Variants in MAF observed in about 807,000 individuals in gnomAD.
MAF encodes the protein MAF bZIP transcription factor.
Under a neutral mutation model 22.0 loss-of-function variants are expected in MAF, and 10 were observed. That is an observed-to-expected ratio of 0.45 (90% confidence interval 0.28 to 0.77). The LOEUF is 0.77. MAF is among the 30% of genes least tolerant of loss of function. The pLI is 0.12. For missense variants in MAF, 544 were observed against 548.4 expected, an observed-to-expected ratio of 0.99 and a Z score of 0.08; for synonymous variants, 337 against 255.8, an observed-to-expected ratio of 1.32 and a Z score of -3.03.
the MAF span, among the ~76,000 whole-genome samples, chr16:79,362,825 T>C: frequency 6.6e-6 from 1 of 152,258 alleles, no homozygotes; most frequent in South Asian, 2.1e-4. Flanking sequence ...TCAAAGCAAG[T>C]GCTTTGCTCT....
chr16:79,212,963 A>C, the MAF span: 3 of 152,216 alleles, frequency 2.0e-5, no homozygotes, highest in Non-Finnish European at 4.4e-5. Flanking sequence ...ATGTTTTGTT[A>C]TTACTTACTT....
chr16:79,535,057 C>G, the MAF span, among the ~76,000 whole-genome samples: 22 of 152,246 alleles, frequency 1.4e-4, no homozygotes, highest in East Asian at 7.7e-4. Flanking sequence ...TTGGTGAAAC[C>G]TTCATTGACT....
At chr16:79,300,518 G>A in the MAF span, among the ~76,000 whole-genome samples, 2 of 152,046 alleles carry the variant, frequency 1.3e-5, no homozygotes, top group Admixed American at 1.3e-4. Flanking sequence ...TCCGGCCACT[G>A]CACTCCAGCC....
At chr16:79,421,550 G>C in the MAF span, among the ~76,000 whole-genome samples, 2 of 152,138 alleles carry the variant, frequency 1.3e-5, no homozygotes, top group African/African-American at 4.8e-5. Flanking sequence ...TTACAGATCG[G>C]AAGACAGAAA....
At chr16:79,452,784 C>G in the MAF span, among the ~76,000 whole-genome samples, 1 of 152,148 alleles carries the variant, frequency 6.6e-6, no homozygotes. Flanking sequence ...ACCCTCCCTG[C>G]TCACACCTCC....
At chr16:79,558,219 G>A in the MAF span, among the ~76,000 whole-genome samples, 1 of 152,038 alleles carries the variant, frequency 6.6e-6, no homozygotes, top group African/African-American at 2.4e-5. Context: ...GAGTGTGAAA[G>A]AGAAATGTGT....
At chr16:79,525,391 G>C in the MAF span, among the ~76,000 whole-genome samples, 3 of 152,108 alleles carry the variant, frequency 2.0e-5, no homozygotes, top group African/African-American at 4.8e-5. Flanking sequence ...CGCTCGGAGG[G>C]GACAGAGTGG....
At chr16:79,338,039 A>G in the MAF span, among the ~76,000 whole-genome samples, 1 of 152,192 alleles carries the variant, frequency 6.6e-6, no homozygotes, top group Non-Finnish European at 1.5e-5. Flanking sequence ...AAATAGGACG[A>G]GTCCCTGTCT....
chr16:79,525,742 C>T, the MAF span, among the ~76,000 whole-genome samples: 198 of 152,210 alleles, frequency 1.3e-3, 1 homozygote, highest in African/African-American at 4.4e-3. Flanking sequence ...ATTATATCTA[C>T]AAATGGCATT....
At chr16:79,455,919 G>C in the MAF span, among the ~76,000 whole-genome samples, 1 of 152,176 alleles carries the variant, frequency 6.6e-6, no homozygotes, top group Non-Finnish European at 1.5e-5. Flanking sequence ...TTGGGAGACT[G>C]AGACGGGAGA....
chr16:79,526,958 T>C, the MAF span, among the ~76,000 whole-genome samples: 258 of 152,336 alleles, frequency 1.7e-3, 2 homozygotes, highest in African/African-American at 5.8e-3. Flanking sequence ...TGTAAAGTTA[T>C]ATAATTTAAT....
the MAF span, among the ~76,000 whole-genome samples, chr16:79,222,482 T>C: frequency 2.0e-5 from 3 of 152,028 alleles, no homozygotes; most frequent in Non-Finnish European, 4.4e-5. Context: ...AATTCACACA[T>C]AACAACCCTA....
At chr16:79,556,470 G>C in the MAF span, among the ~76,000 whole-genome samples, 10 of 152,284 alleles carry the variant, frequency 6.6e-5, no homozygotes, top group African/African-American at 2.4e-4. Flanking sequence ...ATTGTTGCCT[G>C]AACCCACAAT....
At chr16:79,212,046 A>G in the MAF span, 1 of 1,536,284 alleles carries the variant, frequency 6.5e-7, no homozygotes, top group Non-Finnish European at 8.7e-7. Flanking sequence ...GCCTGTTTGA[A>G]AGTAAAAACC....
the MAF span, among the ~76,000 whole-genome samples, chr16:79,548,534 T>C: frequency 6.6e-6 from 1 of 152,208 alleles, no homozygotes; most frequent in Non-Finnish European, 1.5e-5. Context: ...TACAAGAAAG[T>C]GTTCTAGCAT....
chr16:79,481,199 C>T, the MAF span, among the ~76,000 whole-genome samples: 3 of 151,270 alleles, frequency 2.0e-5, no homozygotes, highest in Admixed American at 2.0e-4. Context: ...GACGGGAACT[C>T]ACACTCCTTT....
chr16:79,478,644 T>G, the MAF span, among the ~76,000 whole-genome samples: 17,817 of 152,174 alleles, frequency 0.12, 1,249 homozygotes, highest in South Asian at 0.28. Flanking sequence ...CATTCCAGTG[T>G]TCTCTCCTAG....
At chr16:79,220,255 C>CAAAAAAA in the MAF span, among the ~76,000 whole-genome samples, 1 of 94,056 alleles carries the variant, frequency 1.1e-5, no homozygotes, top group Non-Finnish European at 2.1e-5. Context: ...GACTCCATCT[C>CAAAAAAA]AAAAAAAAAA....
At chr16:79,258,603 C>T in the MAF span, among the ~76,000 whole-genome samples, 2 of 152,358 alleles carry the variant, frequency 1.3e-5, no homozygotes, top group Non-Finnish European at 1.5e-5. Flanking sequence ...TTATCCCACT[C>T]TCCTCCAGGT....
Sources: allele counts gnomAD v4.1 joint callset (sites outside exome capture counted in the v4.1 genomes callset), GRCh38; gene constraint gnomAD v4.1.1; transcripts MANE v1.5; gene names NCBI Gene and HGNC (gene_info 2026-07-23, HGNC 2026-07-21).